Variants in POLDIP2 observed in about 807,000 individuals in gnomAD.
POLDIP2 encodes DNA polymerase delta interacting protein 2.
In POLDIP2, 32 loss-of-function variants were observed where a neutral mutation model predicts 52.9. That is an observed-to-expected ratio of 0.61 (90% CI 0.46 to 0.81). The LOEUF is 0.81. Ranked by LOEUF, POLDIP2 falls within the 40% of genes least tolerant of loss-of-function variation. The probability of loss-of-function intolerance (pLI) is 0.00; values close to 1 mark genes in which losing one functional copy is unlikely to be tolerated. For synonymous variants in POLDIP2, 183 were observed against 183.0 expected, an observed-to-expected ratio of 1.00 and a Z score of 0.00; for missense variants, 371 against 477.3, an observed-to-expected ratio of 0.78 and a Z score of 2.07.
At chr17:28,356,951 G>A (rs202244023) in intron 1 of POLDIP2, among the ~76,000 whole-genome samples, 1 of 152,214 alleles carries the variant, frequency 6.6e-6, no homozygotes, top group East Asian at 1.9e-4. Flanking sequence ...AAATCCAAAG[G>A]CTGAGGGTTC....
At position 28,357,469 on chromosome 17, in the gene POLDIP2, C is replaced by T; in HGVS notation, c.-21G>A. The stretch of plus-strand genomic sequence containing the variant: ...GCCATGTCCCGCCCGAGCGCCCGCC[C>T]GGCTGCTGACACAGAGCCCGACCCG... On this transcript the variant is annotated 5_prime_UTR_variant, in exon 1 of 11. Coordinates refer to ENST00000540200, the MANE Select transcript of POLDIP2 (RefSeq NM_015584.5). 3 of 1,427,602 alleles carry T rather than the reference C, an allele frequency of 2.1e-6. No individual in the cohort carries two copies. The highest frequency in any genetic ancestry group is 2.7e-6 in the Non-Finnish European group (3 of 1,104,088). 88.4% of individuals were successfully genotyped at this position (1,427,602 alleles called of 1,614,324 possible).
chr17:28,357,316 T>C lies in POLDIP2; in HGVS notation c.133A>G (p.Thr45Ala), dbSNP rs1908091173. The C allele has an allele frequency of 6.3e-7, 1 of 1,579,802 alleles. No homozygotes were observed. Among genetic ancestry groups the C allele is most frequent in the Non-Finnish European group, 8.5e-7 (1 of 1,172,884 alleles). Residue 45 changes from threonine to alanine, a missense_variant, in exon 1 of 11, where the codon ACG becomes GCG. Thr to Ala is a moderately conservative substitution (Grantham distance 58). Transcript: ENST00000540200. ...GAGAFSPAST[T>A]TTRRHLSSRN... ...GACGAGAGGTGCCTCCGCGTCGTCGTGGTCGACGCTGGCGAGAAGGCTCCA... is the reference window on the plus strand; with the variant it reads ...GACGAGAGGTGCCTCCGCGTCGTCGCGGTCGACGCTGGCGAGAAGGCTCCA...
At chr17:28,349,011 C>T in intron 10 of POLDIP2, 72 bp downstream of exon 10, 1 of 1,043,294 alleles carries the variant, frequency 9.6e-7, no homozygotes, top group Non-Finnish European at 1.5e-6. Flanking sequence ...AAGCTCTAAG[C>T]TCTCACTTTT....
chr17:28,355,750 C>A (rs1555580782), intron 2 of POLDIP2, 45 bp downstream of exon 2: 1 of 1,449,638 alleles, frequency 6.9e-7, no homozygotes, highest in South Asian at 1.2e-5. Flanking sequence ...TTTTCAGAAG[C>A]AGAGCACTCT....
chr17:28,352,069 TCTG>T (rs1555580068), intron 6 of POLDIP2, among the ~76,000 whole-genome samples: 1 of 152,028 alleles, frequency 6.6e-6, no homozygotes, highest in African/African-American at 2.4e-5. Flanking sequence ...CAGCCCTCAC[TCTG>T]CTACTAGCAA....
rs1907768296 is a variant in POLDIP2 at position 28,350,782 on chromosome 17, T to G, written c.770A>C (p.Asn257Thr). The G allele has an allele frequency of 6.3e-7, 1 of 1,592,642 alleles. No individual in the cohort carries two copies. Among genetic ancestry groups the G allele is most frequent in the Non-Finnish European group, 8.6e-7 (1 of 1,169,564 alleles). The change falls in exon 8 of 11, where the codon AAT becomes ACT. Residue 257 changes from asparagine to threonine, a missense_variant. Physicochemically the swap from Asn to Thr is moderately conservative, Grantham distance 65 (BLOSUM62 0). Transcript: ENST00000540200. ...PFYMGMREAQ[N>T]SHVYWWRYCI... ...GACACTCACCCAGTACACGTGGGAA[T>G]TCTGGGCTTCCTAGGGAGAAAACAA...
At chr17:28,350,708 C>T (rs1362242063) in intron 8 of POLDIP2, 58 bp downstream of exon 8, 3 of 1,572,694 alleles carry the variant, frequency 1.9e-6, no homozygotes, top group Non-Finnish European at 1.7e-6. Flanking sequence ...CCCCCACCTC[C>T]ACCCTGACCC....
At chr17:28,353,457 G>A (rs1907892330) in intron 4 of POLDIP2, 141 bp from the exon 5 acceptor site, 1 of 573,232 alleles carries the variant, frequency 1.7e-6, no homozygotes, top group Non-Finnish European at 3.2e-6. Context: ...GGGAGGCAGA[G>A]GTTGCAGTGA....
chr17:28,351,878 A>G (rs1597800293), intron 6 of POLDIP2, 78 bp from the exon 7 acceptor site: 4 of 1,333,474 alleles, frequency 3.0e-6, no homozygotes, highest in East Asian at 4.6e-5. Flanking sequence ...ACAATAGTCC[A>G]GTGCGATTGC....
chr17:28,349,808 G>A (rs982618770), intron 9 of POLDIP2, among the ~76,000 whole-genome samples: 9 of 152,176 alleles, frequency 5.9e-5, no homozygotes, highest in Non-Finnish European at 8.8e-5. Context: ...ATAACTTGCC[G>A]AAAGTTATGC....
intron 1 of POLDIP2, among the ~76,000 whole-genome samples, chr17:28,356,849 C>CTTT (rs1555581015): frequency 6.6e-6 from 1 of 152,220 alleles, no homozygotes; most frequent in Admixed American, 6.5e-5. Flanking sequence ...ATCGATCTCC[C>CTTT]CAAAGTCACT....
rs782066964 is a variant in POLDIP2 at position 28,354,497 on chromosome 17, G to A, written c.332C>T (p.Ala111Val). The A allele has an allele frequency of 2.4e-5, 38 of 1,553,916 alleles. No individual in the cohort carries two copies. The highest frequency in any genetic ancestry group is 3.2e-5 in the Non-Finnish European group (37 of 1,148,030). The change falls in exon 3 of 11, where the codon GCT (alanine) becomes GTT (valine). Residue 111 changes from alanine to valine, a missense_variant. Coordinates refer to ENST00000540200, the MANE Select transcript of POLDIP2 (RefSeq NM_015584.5). ...CCACAGGGAAACTTACTTTTCTGGA[G>A]CTGCAGAAGCCACATCCCGGTCATA... is the stretch of plus-strand genomic sequence containing the variant. ...RLYDRDVASA[A>V]PEKAENPAGH...
At chr17:28,354,946 C>T (rs1252733857) in intron 2 of POLDIP2, among the ~76,000 whole-genome samples, 1 of 152,192 alleles carries the variant, frequency 6.6e-6, no homozygotes, top group Non-Finnish European at 1.5e-5. Flanking sequence ...ATGCACAATG[C>T]CTAGTCCATT....
intron 5 of POLDIP2, 69 bp downstream of exon 5, chr17:28,353,172 T>C: frequency 1.2e-6 from 1 of 822,900 alleles, no homozygotes; most frequent in Non-Finnish European, 2.1e-6. Flanking sequence ...TGACAGGACA[T>C]CAGAATCCTC....
intron 6 of POLDIP2, 110 bp from the exon 7 acceptor site, chr17:28,351,910 A>C: frequency 2.0e-6 from 2 of 1,010,832 alleles, no homozygotes; most frequent in Non-Finnish European, 3.1e-6. Flanking sequence ...AACCCTCCCT[A>C]GTGGTGGCCC....
intron 3 of POLDIP2, 88 bp from the exon 4 acceptor site, chr17:28,353,879 A>G: frequency 1.2e-6 from 1 of 851,868 alleles, no homozygotes; most frequent in Non-Finnish European, 2.0e-6. Flanking sequence ...TCACCTAAAC[A>G]GGCTGGTCTC....
chr17:28,353,125 T>C (rs2142397552), intron 5 of POLDIP2, 106 bp from the exon 6 acceptor site: 1 of 750,726 alleles, frequency 1.3e-6, no homozygotes, highest in South Asian at 1.4e-5. Flanking sequence ...ATAACCCTGA[T>C]ATCATACCTC....
In POLDIP2 at chr17:28,357,376, G is replaced by A. The variant is rs782127650; in HGVS notation, c.73C>T (p.Arg25Trp). 1.3e-6 allele frequency: 2 copies of A among 1,545,932 alleles called. No homozygotes were observed. Among genetic ancestry groups the A allele is most frequent in the Non-Finnish European group, 8.6e-7 (1 of 1,157,524 alleles). ...RWWSRSLTGA[R>W]WPRPLCAAAG... The stretch of plus-strand genomic sequence containing the variant: ...GCCGCACAGAGCGGCCTTGGCCACC[G>A]GGCCCCAGTCAGCGACCGGGACCAC... The change falls in exon 1 of 11, where the codon CGG becomes TGG. Residue 25 changes from arginine to tryptophan, a missense_variant. By Grantham distance (101) the Arg-to-Trp change is moderately radical. Transcript: ENST00000540200.
In POLDIP2 at chr17:28,352,928, C is replaced by G. The variant is rs528582229; in HGVS notation, c.606G>C (p.Leu202=). The G allele has an allele frequency of 1.9e-6, 3 of 1,589,148 alleles. No homozygotes were observed. The highest frequency in any genetic ancestry group is 2.6e-6 in the Non-Finnish European group (3 of 1,157,352). Residue 202 remains leucine, a synonymous_variant, in exon 6 of 11, where the codon CTG becomes CTC. Transcript: ENST00000540200. ...AGAGATTACCTTTTGTCTGGTCATA[C>G]AGAAGAAATCTTTCAAAGAGTTCAT... ...IQHELFERFL[L]YDQTKAPPFV... is the part of the protein sequence containing the mutation.
Sources: allele counts gnomAD v4.1 joint callset (sites outside exome capture counted in the v4.1 genomes callset), GRCh38; gene constraint gnomAD v4.1.1; transcripts MANE v1.5; gene names NCBI Gene and HGNC (gene_info 2026-07-23, HGNC 2026-07-21).